PBX3: variants seen among roughly 807,000 people sequenced by gnomAD.
The protein encoded by PBX3 is PBX homeobox 3, also known as pre-B-cell leukemia transcription factor 3.
PBX3 carries 14 observed loss-of-function variants against 48.5 expected under a neutral mutation model. The observed-to-expected ratio is 0.29, with a 90% CI of 0.19 to 0.45. The LOEUF (loss-of-function observed/expected upper bound fraction) is 0.45. Ranked by LOEUF, PBX3 falls within the 20% of genes least tolerant of loss-of-function variation. The pLI is 1.00. For synonymous variants in PBX3, 210 were observed against 200.3 expected (o/e 1.05, Z -0.41); for missense variants, 386 against 546.7 (o/e 0.71, Z 2.93).
At chr9:125,806,454 A>G (rs1366803539) in intron 2 of PBX3, among the ~76,000 whole-genome samples, 1 of 152,222 alleles carries the variant, frequency 6.6e-6, no homozygotes, top group African/African-American at 2.4e-5. Context: ...GTGTCTGGTC[A>G]GGGCCAGGCT....
intron 2 of PBX3, among the ~76,000 whole-genome samples, chr9:125,775,452 T>C (rs983840819): frequency 3.3e-5 from 5 of 152,340 alleles, no homozygotes; most frequent in South Asian, 2.1e-4. Flanking sequence ...AAATTCATTC[T>C]TTTGGATGTA....
chr9:125,864,164 G>A (rs931774662), intron 2 of PBX3, among the ~76,000 whole-genome samples: 1 of 152,196 alleles, frequency 6.6e-6, no homozygotes, highest in Non-Finnish European at 1.5e-5. Flanking sequence ...CCCCATGAGA[G>A]TAATATAATA....
At chr9:125,938,711 C>A (rs1841892758) in intron 5 of PBX3, among the ~76,000 whole-genome samples, 1 of 152,040 alleles carries the variant, frequency 6.6e-6, no homozygotes, top group African/African-American at 2.4e-5. Context: ...GGGAAATGTT[C>A]TAGATTAAAA....
rs1208078698 is a variant in PBX3 at position 125,915,942 on chromosome 9, C to T, written c.516+15C>T. The T allele has an allele frequency of 1.2e-6, 2 of 1,611,156 alleles. No individual in the cohort carries two copies. Among genetic ancestry groups the T allele is most frequent in the South Asian group, 1.1e-5 (1 of 90,836 alleles). ...AATATGAACAGGTCAGCAGCCGCCA[C>T]TCTCATAGTCCTACACAAACCCTCT... On this transcript the variant is annotated intron_variant, in intron 3 of 8. Transcript: ENST00000373489.
chr9:125,864,092 A>G (rs542344341), intron 2 of PBX3, among the ~76,000 whole-genome samples: 6 of 152,352 alleles, frequency 3.9e-5, no homozygotes, highest in African/African-American at 1.2e-4. Flanking sequence ...GAGAAATGCT[A>G]GACTAAACAG....
intron 2 of PBX3, among the ~76,000 whole-genome samples, chr9:125,750,391 G>A (rs1836338080): frequency 6.6e-6 from 1 of 152,168 alleles, no homozygotes; most frequent in African/African-American, 2.4e-5. Flanking sequence ...TGCTTTTCAT[G>A]TTGAGACATT....
chr9:125,758,637 A>G (rs1836584677), intron 2 of PBX3, among the ~76,000 whole-genome samples: 2 of 152,200 alleles, frequency 1.3e-5, no homozygotes, highest in South Asian at 4.1e-4. Flanking sequence ...CAAGCTGTAG[A>G]ATTTCTAAAC....
chr9:125,789,740 C>G (rs981230384), intron 2 of PBX3, among the ~76,000 whole-genome samples: 2 of 152,104 alleles, frequency 1.3e-5, no homozygotes, highest in African/African-American at 2.4e-5. Context: ...TTCTTAGAGG[C>G]TGCCTACCAC....
chr9:125,786,312 G>T (rs1274569562), intron 2 of PBX3, among the ~76,000 whole-genome samples: 1 of 152,164 alleles, frequency 6.6e-6, no homozygotes, highest in East Asian at 1.9e-4. Context: ...GAGTTCCAGG[G>T]CATACCACCA....
rs1423894821 is a variant in PBX3 at position 125,860,876 on chromosome 9, G to A, written c.275-54810G>A. Among the ~76,000 whole-genome samples the A allele has an allele frequency of 1.3e-4, 11 of 83,756 alleles. No individual in the cohort carries two copies. The South Asian group carries it at 3.9e-3, about 30-fold the overall frequency. 54.9% of individuals were successfully genotyped at this position (83,756 alleles called of 152,430 possible). On this transcript the variant is annotated intron_variant, in intron 2 of 8. Transcript: ENST00000373489. Reference sequence around the variant, plus strand: ...TGCTCCAGCCTGGGTGACAGAATAAGACTCTGTCAAAAAAAAAAAAAAAAA... The same window carrying A: ...TGCTCCAGCCTGGGTGACAGAATAAAACTCTGTCAAAAAAAAAAAAAAAAA...
intron 2 of PBX3, among the ~76,000 whole-genome samples, chr9:125,815,996 GTCTC>G (rs998970512): frequency 6.6e-6 from 1 of 150,952 alleles, no homozygotes; most frequent in African/African-American, 2.4e-5. Context: ...GCCTCCCTCC[GTCTC>G]TCTCTCTCTC....
At chr9:125,886,845 A>G (rs565945227) in intron 2 of PBX3, among the ~76,000 whole-genome samples, 1 of 152,244 alleles carries the variant, frequency 6.6e-6, no homozygotes, top group African/African-American at 2.4e-5. Flanking sequence ...TTTGCATTTA[A>G]ATCCATGTTT....
At chr9:125,878,857 C>T (rs1478212035) in intron 2 of PBX3, among the ~76,000 whole-genome samples, 1 of 152,064 alleles carries the variant, frequency 6.6e-6, no homozygotes, top group Non-Finnish European at 1.5e-5. Flanking sequence ...ATGTGGGTCT[C>T]AGATGTTGTT....
chr9:125,917,932 C>T (rs2132474635), intron 3 of PBX3, among the ~76,000 whole-genome samples: 1 of 152,270 alleles, frequency 6.6e-6, no homozygotes, highest in African/African-American at 2.4e-5. Context: ...AAAAATCCCA[C>T]TTTCTGATTT....
intron 2 of PBX3, among the ~76,000 whole-genome samples, chr9:125,774,880 T>C (rs1424965026): frequency 6.6e-6 from 1 of 152,098 alleles, no homozygotes; most frequent in Non-Finnish European, 1.5e-5. Flanking sequence ...AGTTTCTTTT[T>C]TTTTTTTTTA....
At chr9:125,887,307 T>C (rs546540048) in intron 2 of PBX3, among the ~76,000 whole-genome samples, 1 of 152,218 alleles carries the variant, frequency 6.6e-6, no homozygotes, top group South Asian at 2.1e-4. Flanking sequence ...TGCAAAGTGG[T>C]TTTGTATAGC....
chr9:125,794,562 C>A (rs1204997284), intron 2 of PBX3, among the ~76,000 whole-genome samples: 1 of 151,636 alleles, frequency 6.6e-6, no homozygotes, highest in East Asian at 1.9e-4. Flanking sequence ...TCCTATGTCA[C>A]CATTTTCAAT....
intron 3 of PBX3, among the ~76,000 whole-genome samples, chr9:125,926,994 A>G (rs1475322095): frequency 5.9e-5 from 9 of 152,216 alleles, no homozygotes; most frequent in Non-Finnish European, 7.3e-5. Context: ...AAAATTATAG[A>G]CTGAGATTCT....
chr9:125,817,125 T>C (rs1310931838), intron 2 of PBX3, among the ~76,000 whole-genome samples: 3 of 152,208 alleles, frequency 2.0e-5, no homozygotes, highest in African/African-American at 7.2e-5. Context: ...ATAACCTCAA[T>C]AGAGTAAAGA....
Sources: gnomAD v4.1 joint callset for allele counts (sites outside exome capture counted in the v4.1 genomes callset) on GRCh38, gnomAD v4.1.1 for gene constraint, MANE v1.5 for transcripts, NCBI Gene and HGNC (gene_info 2026-07-23, HGNC 2026-07-21) for gene names.